PLIN4: variants seen among roughly 807,000 people sequenced by gnomAD.
PLIN4 encodes the protein perilipin 4.
A neutral mutation model predicts 52.4 loss-of-function variants in PLIN4; 57 were observed. The ratio of observed to expected loss-of-function variants is 1.09; its 90% CI spans 0.88 to 1.36. The LOEUF (loss-of-function observed/expected upper bound fraction) is 1.36, where lower values mean the gene tolerates loss of function less well. PLIN4 is among the 40% of genes most tolerant of loss of function. The pLI, the probability that PLIN4 is intolerant of heterozygous loss-of-function variation, is 0.00. For synonymous variants in PLIN4, 826 were observed against 785.4 expected, an observed-to-expected ratio of 1.05 and a Z score of -0.86; for missense variants, 1,757 against 1,770.3, an observed-to-expected ratio of 0.99 and a Z score of 0.13.
At position 4,511,720 on chromosome 19, in the gene PLIN4, G is replaced by GC; in HGVS notation, c.2239dup (p.Ala747GlyfsTer17). 8 of 1,181,548 alleles carry GC rather than the reference G, an allele frequency of 6.8e-6. 1 individual carries two copies. The highest frequency in any genetic ancestry group is 4.6e-5 in the South Asian group (3 of 64,888). The allele number at this position is 1,181,548 out of a possible 1,614,324, so 73.2% of individuals were successfully genotyped here. A position where few individuals can be genotyped will look rare whatever the true frequency, so the allele number is the denominator to read the frequency against. ...TGTAGTGTCCAGGCCCCCTTGGATG[G>GC]CCCCTTTGGCCACATTCGCAGCACC... On this transcript the variant is annotated frameshift_variant, in exon 5 of 8. Coordinates refer to ENST00000301286, the MANE Select transcript of PLIN4 (RefSeq NM_001367868.2). LOFTEE classifies it high-confidence loss of function.
rs1210097411 is a variant in PLIN4, at chr19:4,513,697, A to C, written c.263T>G (p.Val88Gly). The C allele has an allele frequency of 6.4e-7, 1 of 1,571,666 alleles. No homozygotes were observed. The highest frequency in any genetic ancestry group is 2.2e-5 in the East Asian group (1 of 44,528). Residue 88 changes from valine (V) to glycine (G), a missense_variant, in exon 5 of 8, where the codon GTG becomes GGG. Val to Gly is a moderately radical substitution (Grantham distance 109, BLOSUM62 -3). Coordinates refer to ENST00000301286, the MANE Select transcript of PLIN4 (RefSeq NM_001367868.2). ...EKELQPSEKMVSGAKDLVCSK... is the reference protein window; with the variant it reads ...EKELQPSEKMGSGAKDLVCSK... ...ACACACCAGGTCTTTGGCCCCGGAC[A>C]CCATCTGCTGAGAAAGGACACAGGT...
At position 4,513,713 on chromosome 19, in the gene PLIN4, G is replaced by T; in HGVS notation, c.259-12C>A. 6.4e-7 allele frequency: 1 copy of T among 1,557,800 alleles called. No individual in the cohort carries two copies. The highest frequency in any genetic ancestry group is 1.4e-5 in the African/African-American group (1 of 73,894). ...GCCCCGGACACCATCTGCTGAGAAA[G>T]GACACAGGTGGATCAAGAGAAGGAC... On this transcript the variant is annotated splice_polypyrimidine_tract_variant and intron_variant, in intron 4 of 7. Coordinates refer to ENST00000301286, the MANE Select transcript of PLIN4 (RefSeq NM_001367868.2).
In PLIN4 at chr19:4,510,714, C is replaced by T. The variant is rs760717333; in HGVS notation, c.3246G>A (p.Leu1082=). The change falls in exon 5 of 8, where the codon CTG becomes CTA. Residue 1082 remains leucine, a synonymous_variant. Transcript: ENST00000301286. The part of the protein sequence containing the change: ...TTDNGGEQTA[L]SPQEAPFSGI... ...CAGAGAACGGGGCCTCTTGGGGGCT[C>T]AGGGCAGTCTGCTCCCCACCATTGT... 14 of 1,535,718 alleles carry T rather than the reference C, an allele frequency of 9.1e-6. No individual in the cohort carries two copies. In the East Asian group the frequency reaches 2.5e-4, roughly 27 times the overall value.
intron 6 of PLIN4, among the ~76,000 whole-genome samples, chr19:4,508,306 G>A (rs1976159881): frequency 6.6e-6 from 1 of 152,132 alleles, no homozygotes; most frequent in African/African-American, 2.4e-5. Context: ...GCCCAGGCTG[G>A]AGTGCAGTGG....
chr19:4,513,755 C>T (rs1161002350), intron 4 of PLIN4, 54 bp from the exon 5 acceptor site: 12 of 1,510,792 alleles, frequency 7.9e-6, no homozygotes, highest in Non-Finnish European at 1.1e-5. Context: ...GTGTACTCCA[C>T]CCCGATGTCT....
intron 2 of PLIN4, 45 bp downstream of exon 2, chr19:4,518,177 C>T: frequency 1.6e-6 from 2 of 1,226,968 alleles, no homozygotes; most frequent in Non-Finnish European, 2.0e-6. Flanking sequence ...GGCTCTGGGG[C>T]ATCTCCAGGC....
In PLIN4 at chr19:4,512,213, C is replaced by A. The variant is rs1290058393; in HGVS notation, c.1747G>T (p.Val583Phe). Residue 583 changes from valine to phenylalanine, a missense_variant, in exon 5 of 8, where the codon GTC (valine) becomes TTC (phenylalanine). Val to Phe is a conservative substitution (Grantham distance 50). Around this residue, in one of 7 missense-constraint regions of PLIN4, gnomAD observed 439 missense variants for 406.4 expected, o/e 1.08. Coordinates refer to ENST00000301286, the MANE Select transcript of PLIN4 (RefSeq NM_001367868.2). ...TGAANVAKGA[V>F]QTGVDTAKTV... ...TTGGCTGTGTCTACACCTGTCTGGACAGCCCCCTTGGCCACATTCGCTGCC... is the reference window on the plus strand; with the variant it reads ...TTGGCTGTGTCTACACCTGTCTGGAAAGCCCCCTTGGCCACATTCGCTGCC... 1 of 1,612,978 alleles carries A rather than the reference C, an allele frequency of 6.2e-7. No individual in the cohort carries two copies. Among genetic ancestry groups the A allele is most frequent in the Admixed American group, 1.7e-5 (1 of 59,944 alleles).
In PLIN4 at chr19:4,517,497, T is replaced by C. The variant is rs554753732; in HGVS notation, c.196+57A>G. ...TGGAAGTCCCTGCCCGGGGAGCTCC[T>C]TCTCCCAGGTCCATGTGTAGAGTCC... On this transcript the variant is annotated intron_variant, in intron 3 of 7. Coordinates refer to ENST00000301286, the MANE Select transcript of PLIN4 (RefSeq NM_001367868.2). The C allele has an allele frequency of 2.6e-5, 40 of 1,550,010 alleles. No individual in the cohort carries two copies. The East Asian group carries it at 6.4e-4, about 25-fold the overall frequency.
chr19:4,509,106 G>A (rs943377739), intron 5 of PLIN4, among the ~76,000 whole-genome samples, 151 bp from the exon 6 acceptor site: 5 of 151,394 alleles, frequency 3.3e-5, no homozygotes, highest in Admixed American at 1.3e-4. Flanking sequence ...TCAGGAGATC[G>A]AGACCATCCT....
In PLIN4 at chr19:4,510,681, G is replaced by A. The variant is rs945360381; in HGVS notation, c.3279C>T (p.Ser1093=). Residue 1093 remains serine, a synonymous_variant, in exon 5 of 8, where the codon TCC becomes TCT. Coordinates refer to ENST00000301286, the MANE Select transcript of PLIN4 (RefSeq NM_001367868.2). ...SPQEAPFSGI[S]TPPDVLSVGP... ...CTACACTGAGCACATCCGGGGGCGT[G>A]GAGATGCCAGAGAACGGGGCCTCTT... The A allele has an allele frequency of 6.6e-7, 1 of 1,520,958 alleles. No homozygotes were observed. Among genetic ancestry groups the A allele is most frequent in the African/African-American group, 1.4e-5 (1 of 71,918 alleles). 94.2% of individuals were successfully genotyped at this position (1,520,958 alleles called of 1,614,324 possible).
chr19:4,514,541 C>CA (rs1976534196), intron 4 of PLIN4, among the ~76,000 whole-genome samples: 1 of 151,584 alleles, frequency 6.6e-6, no homozygotes, highest in South Asian at 2.1e-4. Context: ...CTGGCTAACA[C>CA]AGTGAAACCC....
intron 6 of PLIN4, among the ~76,000 whole-genome samples, chr19:4,508,195 G>A (rs897805433): frequency 1.3e-5 from 2 of 152,142 alleles, no homozygotes; most frequent in Admixed American, 6.5e-5. Flanking sequence ...CCAGAGGGAC[G>A]GCCTTCCTGC....
Position 4,504,264 on chromosome 19 carries a change from C to T in PLIN4, c.*195G>A. ...GAGGAGGTGGGAGATGCAGGCAGGC[C>T]CGGAGCAGGGCGTGGGGTGGCTCAG... On this transcript the variant is annotated 3_prime_UTR_variant, in exon 8 of 8. Transcript: ENST00000301286. 1.8e-6 allele frequency: 1 copy of T among 549,830 alleles called. No homozygotes were observed. Among genetic ancestry groups the T allele is most frequent in the Non-Finnish European group, 3.1e-6 (1 of 324,200 alleles). 34.1% of individuals were successfully genotyped at this position (549,830 alleles called of 1,614,324 possible). A position where few individuals can be genotyped will look rare whatever the true frequency, so the allele number is the denominator to read the frequency against.
Position 4,513,096 on chromosome 19 carries a change from G to C in PLIN4, c.864C>G (p.Thr288=). Residue 288 remains threonine (T), a synonymous_variant, in exon 5 of 8, where the codon ACC becomes ACG. Transcript: ENST00000301286. ...AMNVAKGTIQ[T]GVDTSKTVLT... ...GGACAGTCTTACTGGTGTCCACGCC[G>C]GTCTGGATGGTTCCTTTGGCCACAT... The C allele has an allele frequency of 1.1e-5, 7 of 659,554 alleles. No individual in the cohort carries two copies. Among genetic ancestry groups the C allele is most frequent in the South Asian group, 1.0e-4 (6 of 59,002 alleles). The allele number at this position is 659,554 out of a possible 1,614,324, so 40.9% of individuals were successfully genotyped here.
intron 3 of PLIN4, 54 bp from the exon 4 acceptor site, chr19:4,516,732 A>G: frequency 6.8e-7 from 1 of 1,478,188 alleles, no homozygotes; most frequent in Non-Finnish European, 9.0e-7. Flanking sequence ...AGAACCATCT[A>G]CCCGGCTGCC....
chr19:4,516,289 A>C (rs1241330289), intron 4 of PLIN4, among the ~76,000 whole-genome samples: 1 of 152,118 alleles, frequency 6.6e-6, no homozygotes, highest in African/African-American at 2.4e-5. Context: ...CAAAAAATAA[A>C]AGTAGAAGAA....
Position 4,512,502 on chromosome 19 carries a change from G to T in PLIN4, c.1458C>A (p.Gly486=), listed in dbSNP as rs7259625. 6.3e-7 allele frequency: 1 copy of T among 1,587,978 alleles called. No individual in the cohort carries two copies. Among genetic ancestry groups the T allele is most frequent in the Non-Finnish European group, 8.6e-7 (1 of 1,166,724 alleles). The change falls in exon 5 of 8, where the codon GGC becomes GGA. Residue 486 remains glycine, a synonymous_variant. Coordinates refer to ENST00000301286, the MANE Select transcript of PLIN4 (RefSeq NM_001367868.2). ...AANVAKGAVQ[G]GLDTTKSVLT... ...GGACAGACTTTGTAGTGTCCAGGCC[G>T]CCCTGGACGGCCCCTTTGGCCACAT... is the stretch of plus-strand genomic sequence containing the variant.
chr19:4,505,059 G>A (rs1452497054), intron 6 of PLIN4, 112 bp from the exon 7 acceptor site: 2 of 990,530 alleles, frequency 2.0e-6, no homozygotes, highest in African/African-American at 3.2e-5. Context: ...TGGGAGAAAG[G>A]CCACGAGTTC....
intron 4 of PLIN4, among the ~76,000 whole-genome samples, chr19:4,514,829 C>T (rs549036744): frequency 2.3e-4 from 35 of 151,694 alleles, no homozygotes; most frequent in African/African-American, 8.0e-4. Context: ...AGGAGGATTG[C>T]TTGAGCCCAC....
Sources: allele counts gnomAD v4.1 joint callset (sites outside exome capture counted in the v4.1 genomes callset), GRCh38; gene constraint gnomAD v4.1.1; regional missense constraint gnomAD v4.1.1; transcripts MANE v1.5; gene names NCBI Gene and HGNC (gene_info 2026-07-23, HGNC 2026-07-21).